Variants in DNAAF4 observed in about 807,000 individuals in gnomAD.
DNAAF4 encodes the protein dynein assembly factor 4, axonemal.
A neutral mutation model predicts 51.8 loss-of-function variants in DNAAF4; 43 were observed. The ratio of observed to expected loss-of-function variants is 0.83; its 90% CI spans 0.65 to 1.07. The LOEUF is 1.07. Ranked by LOEUF, DNAAF4 falls within the 50% of genes least tolerant of loss-of-function variation. DNAAF4 has a pLI of 0.00. For missense variants in DNAAF4, 581 were observed against 493.0 expected, an observed-to-expected ratio of 1.18 and a Z score of -1.69; for synonymous variants, 194 against 165.6, an observed-to-expected ratio of 1.17 and a Z score of -1.32.
intron 3 of DNAAF4, among the ~76,000 whole-genome samples, chr15:55,496,798 T>G (rs185672117): frequency 6.6e-6 from 1 of 152,092 alleles, no homozygotes; most frequent in East Asian, 1.9e-4. Flanking sequence ...CACCCCAAAA[T>G]ATGCTGCTTT....
At chr15:55,421,601 G>T (rs946951369) in intron 7 of DNAAF4, among the ~76,000 whole-genome samples, 1 of 151,914 alleles carries the variant, frequency 6.6e-6, no homozygotes, top group African/African-American at 2.4e-5. Flanking sequence ...AAAGTCCCAG[G>T]ACTGGCTGGG....
intron 4 of DNAAF4, among the ~76,000 whole-genome samples, chr15:55,473,559 G>A (rs1433649878): frequency 6.6e-6 from 1 of 151,586 alleles, no homozygotes; most frequent in South Asian, 2.1e-4. Context: ...TCTTACTTAA[G>A]GTATTAGGAA....
At chr15:55,437,615 G>C (rs1595894090) in intron 7 of DNAAF4, among the ~76,000 whole-genome samples, 1 of 152,132 alleles carries the variant, frequency 6.6e-6, no homozygotes, top group Non-Finnish European at 1.5e-5. Context: ...TTGATGGAGA[G>C]AGTACCCTGG....
At chr15:55,439,726 A>G in intron 6 of DNAAF4, 145 bp from the exon 7 acceptor site, 1 of 666,494 alleles carries the variant, frequency 1.5e-6, no homozygotes, top group African/African-American at 1.8e-5. Context: ...TCTCCTCCAA[A>G]TTGATATACT....
intron 3 of DNAAF4, 44 bp from the exon 4 acceptor site, chr15:55,491,300 T>C (rs1410781742): frequency 6.3e-7 from 1 of 1,575,706 alleles, no homozygotes; most frequent in Non-Finnish European, 8.6e-7. Context: ...ATGACAAATT[T>C]GCTTTACTTA....
At chr15:55,480,904 G>T (rs1204385575) in intron 4 of DNAAF4, among the ~76,000 whole-genome samples, 1 of 152,110 alleles carries the variant, frequency 6.6e-6, no homozygotes, top group Non-Finnish European at 1.5e-5. Flanking sequence ...ACGTGTCAAG[G>T]GTGGGACCAG....
intron 7 of DNAAF4, among the ~76,000 whole-genome samples, chr15:55,420,290 G>A (rs561392871): frequency 6.6e-6 from 1 of 152,250 alleles, no homozygotes; most frequent in East Asian, 1.9e-4. Context: ...TCAACACAGT[G>A]TGAGCAGTGG....
rs879351208 is a variant in DNAAF4 at position 55,473,187 on chromosome 15, T to TAAAAAAAAA, written c.406-6035_406-6027dup. On this transcript the variant is annotated intron_variant, in intron 4 of 9. Coordinates refer to ENST00000321149, the MANE Select transcript of DNAAF4 (RefSeq NM_130810.4). ...CCTCAAAACAAACAAAAAAAAAACC[T>TAAAAAAAAA]AAAAAAAAAAAATATATATATATAT... Among the ~76,000 whole-genome samples the TAAAAAAAAA allele has an allele frequency of 3.3e-4, 9 of 27,532 alleles. No individual in the cohort carries two copies. In the East Asian group the frequency reaches 7.4e-3, roughly 22 times the overall value. The allele number at this position is 27,532 out of a possible 152,430, so 18.1% of individuals were successfully genotyped here.
intron 7 of DNAAF4, among the ~76,000 whole-genome samples, chr15:55,419,444 C>T (rs923527692): frequency 2.6e-5 from 4 of 151,214 alleles, no homozygotes; most frequent in African/African-American, 9.7e-5. Context: ...CACTGTGTTG[C>T]CCAGGCTGAT....
chr15:55,473,716 C>T (rs1300206363), intron 4 of DNAAF4, among the ~76,000 whole-genome samples: 1 of 152,016 alleles, frequency 6.6e-6, no homozygotes, highest in African/African-American at 2.4e-5. Flanking sequence ...AATAGCCGGG[C>T]GCAGTGGCTC....
intron 8 of DNAAF4, among the ~76,000 whole-genome samples, chr15:55,433,025 C>T (rs1343410138): frequency 6.6e-6 from 1 of 151,950 alleles, no homozygotes; most frequent in Non-Finnish European, 1.5e-5. Context: ...CTCGGGTGGG[C>T]CTGGTGGCTC....
At chr15:55,430,233 G>A (rs1200442388), downstream of DNAAF4, 7 of 330,378 alleles carry the variant, frequency 2.1e-5, no homozygotes, top group African/African-American at 4.5e-5. Flanking sequence ...GGAAACTAAC[G>A]GACAACCTGT....
chr15:55,475,812 G>A (rs2141539587), intron 4 of DNAAF4, among the ~76,000 whole-genome samples: 1 of 152,280 alleles, frequency 6.6e-6, no homozygotes, highest in African/African-American at 2.4e-5. Context: ...TAGCTTTGGT[G>A]GATAAAAGTG....
chr15:55,475,877 T>A (rs2058328435), intron 4 of DNAAF4, among the ~76,000 whole-genome samples: 1 of 152,152 alleles, frequency 6.6e-6, no homozygotes, highest in African/African-American at 2.4e-5. Flanking sequence ...GAGGTTGAGA[T>A]CCTGGTTAGG....
rs1236800122 is a variant in DNAAF4 at position 55,433,980 on chromosome 15, A to T, written c.1047+925T>A. The stretch of plus-strand genomic sequence containing the variant: ...ATATATATAATATATTTTATATATT[A>T]TATATAATATATATAATATTATATA... On this transcript the variant is annotated intron_variant, in intron 8 of 9. Coordinates refer to ENST00000321149, the MANE Select transcript of DNAAF4 (RefSeq NM_130810.4). Among the ~76,000 whole-genome samples, 181 of 38,234 alleles carry T rather than the reference A, an allele frequency of 4.7e-3. 3 individuals are homozygous for T. Among genetic ancestry groups the T allele is most frequent in the African/African-American group, 0.036 (173 of 4,744 alleles). The allele number at this position is 38,234 out of a possible 152,430, so 25.1% of individuals were successfully genotyped here.
intron 1 of DNAAF4, among the ~76,000 whole-genome samples, chr15:55,507,718 A>G (rs56380840): frequency 0.061 from 9,270 of 152,160 alleles, 404 homozygotes; most frequent in Middle Eastern, 0.099. Flanking sequence ...CGGGATGCAC[A>G]TTGTGTCTCA....
chr15:55,470,460 T>TC, intron 4 of DNAAF4, among the ~76,000 whole-genome samples: 1 of 151,922 alleles, frequency 6.6e-6, no homozygotes, highest in Non-Finnish European at 1.5e-5. Flanking sequence ...GCCTTCTCCC[T>TC]CCAAGTGTTC....
intron 4 of DNAAF4, among the ~76,000 whole-genome samples, chr15:55,476,465 G>A (rs770158660): frequency 2.6e-5 from 4 of 152,004 alleles, no homozygotes; most frequent in Non-Finnish European, 5.9e-5. Flanking sequence ...AAAAGAGAAA[G>A]GAAAGGAAAA....
chr15:55,468,310 A>G (rs532207937), intron 4 of DNAAF4, among the ~76,000 whole-genome samples: 1 of 152,226 alleles, frequency 6.6e-6, no homozygotes, highest in East Asian at 1.9e-4. Flanking sequence ...ACTCTCTTCT[A>G]GAAGACTGAT....
Sources: allele counts gnomAD v4.1 joint callset (sites outside exome capture counted in the v4.1 genomes callset), GRCh38; gene constraint gnomAD v4.1.1; transcripts MANE v1.5; gene names NCBI Gene and HGNC (gene_info 2026-07-23, HGNC 2026-07-21).